Variants in PACRG observed in about 807,000 individuals in gnomAD.
PACRG encodes parkin coregulated gene protein.
In PACRG, 29 loss-of-function variants were observed where a neutral mutation model predicts 29.7. The observed-to-expected ratio is 0.98, with a 90% CI of 0.73 to 1.33. The LOEUF (loss-of-function observed/expected upper bound fraction) is 1.33. Among genes scored for constraint, PACRG ranks in the 40% most tolerant of loss-of-function variants. PACRG has a pLI of 0.00. For synonymous variants in PACRG, 116 were observed against 118.7 expected (o/e 0.98, Z 0.15); for missense variants, 279 against 316.2 (o/e 0.88, Z 0.89).
chr6:162,864,848 G>A (rs1000142217), intron 2 of PACRG, among the ~76,000 whole-genome samples: 2 of 152,148 alleles, frequency 1.3e-5, no homozygotes, highest in Non-Finnish European at 2.9e-5. Flanking sequence ...TTTGTTGTGA[G>A]CAAGTTTCAT....
chr6:162,749,790 C>T (rs1321752828), intron 1 of PACRG, among the ~76,000 whole-genome samples: 4 of 152,018 alleles, frequency 2.6e-5, no homozygotes, highest in African/African-American at 4.8e-5. Context: ...AAAGTGCTGG[C>T]ATTATAGACG....
At chr6:163,031,062 A>T (rs940672490) in intron 2 of PACRG, among the ~76,000 whole-genome samples, 1 of 152,182 alleles carries the variant, frequency 6.6e-6, no homozygotes, top group Non-Finnish European at 1.5e-5. Context: ...TTCAGGGTAG[A>T]GAGGAGCTCA....
intron 4 of PACRG, among the ~76,000 whole-genome samples, chr6:163,280,330 TG>T (rs1239260304): frequency 6.6e-6 from 1 of 152,174 alleles, no homozygotes; most frequent in Non-Finnish European, 1.5e-5. Flanking sequence ...GCTCTTGAGC[TG>T]GCCCCACCTG....
intron 2 of PACRG, among the ~76,000 whole-genome samples, chr6:162,845,844 A>T (rs1247829318): frequency 6.6e-6 from 1 of 152,226 alleles, no homozygotes; most frequent in East Asian, 1.9e-4. Flanking sequence ...ATGTTATCAT[A>T]CACTACCTAA....
intron 4 of PACRG, among the ~76,000 whole-genome samples, chr6:163,196,013 A>T (rs1254261488): frequency 6.6e-6 from 1 of 152,098 alleles, no homozygotes; most frequent in African/African-American, 2.4e-5. Flanking sequence ...ACCCCCTACG[A>T]GCTGGTTCCC....
chr6:162,761,055 T>A (rs1782318709), intron 1 of PACRG, among the ~76,000 whole-genome samples: 2 of 152,210 alleles, frequency 1.3e-5, no homozygotes, highest in Admixed American at 1.3e-4. Context: ...TCTGGCCTTC[T>A]TTCTGGCCAC....
At chr6:163,266,320 A>C (rs1783526961) in intron 4 of PACRG, among the ~76,000 whole-genome samples, 1 of 152,222 alleles carries the variant, frequency 6.6e-6, no homozygotes, top group Non-Finnish European at 1.5e-5. Context: ...TCGTAAAGAG[A>C]AAATGGACTG....
chr6:162,971,274 C>G (rs9356086), intron 2 of PACRG, among the ~76,000 whole-genome samples: 81,992 of 152,058 alleles, frequency 0.54, 22,769 homozygotes, highest in Middle Eastern at 0.7. Flanking sequence ...GTCATTTTCT[C>G]TATCTGGGCT....
At chr6:163,035,572 G>T (rs534938451) in intron 2 of PACRG, among the ~76,000 whole-genome samples, 131 of 152,168 alleles carry the variant, frequency 8.6e-4, no homozygotes, top group African/African-American at 3.0e-3. Context: ...CTTGAACTTG[G>T]GAGGCGGAAG....
At chr6:162,824,556 T>C (rs1156335141) in intron 2 of PACRG, among the ~76,000 whole-genome samples, 1 of 152,178 alleles carries the variant, frequency 6.6e-6, no homozygotes, top group Non-Finnish European at 1.5e-5. Context: ...TTTTGTGGTA[T>C]GTTGGGAGAT....
chr6:163,281,543 A>ATT lies in PACRG; in HGVS notation c.614-33274_614-33273dup, dbSNP rs5881519. Among the ~76,000 whole-genome samples the ATT allele has an allele frequency of 1.1e-3, 162 of 148,626 alleles. 1 individual carries two copies. Among genetic ancestry groups the ATT allele is most frequent in the African/African-American group, 3.9e-3 (158 of 40,812 alleles). On this transcript the variant is annotated intron_variant, in intron 4 of 4. Transcript: ENST00000366888. ...TAACAATAGCCAAAAATCAAGATGA[A>ATT]TTTTTTTTTTTGCTATATGAAATCT... is the stretch of plus-strand genomic sequence containing the variant.
chr6:163,043,980 G>A (rs972862007), intron 2 of PACRG, among the ~76,000 whole-genome samples: 7 of 152,110 alleles, frequency 4.6e-5, no homozygotes, highest in Admixed American at 3.9e-4. Context: ...TAGGTAGCAT[G>A]AGCGGGTAAA....
chr6:163,257,126 C>G (rs986382566), intron 4 of PACRG, among the ~76,000 whole-genome samples: 1 of 152,030 alleles, frequency 6.6e-6, no homozygotes, highest in African/African-American at 2.4e-5. Flanking sequence ...GTTCTTATAC[C>G]GAGATCCTTA....
chr6:163,256,793 G>A (rs1196264298), intron 4 of PACRG, among the ~76,000 whole-genome samples: 1 of 152,178 alleles, frequency 6.6e-6, no homozygotes. Context: ...TGGGGATGCT[G>A]TAACTAATGA....
chr6:163,062,231 T>C lies in PACRG; in HGVS notation c.373T>C (p.Phe125Leu). ...TTGTGAAATGACATTTCCCTATGAG[T>C]TTTTTGCTCGGCAAGGAATCCACGA... ...GLCEMTFPYE[F>L]FARQGIHDML... Residue 125 changes from phenylalanine (F) to leucine (L), a missense_variant, in exon 3 of 5, where the codon TTT (phenylalanine) becomes CTT (leucine). Physicochemically the swap from Phe to Leu is conservative, Grantham distance 22. Transcript: ENST00000366888. 1 of 1,614,088 alleles carries C rather than the reference T, an allele frequency of 6.2e-7. No individual in the cohort carries two copies. Among genetic ancestry groups the C allele is most frequent in the Non-Finnish European group, 8.5e-7 (1 of 1,180,026 alleles).
At chr6:162,838,716 A>G (rs949809194) in intron 2 of PACRG, among the ~76,000 whole-genome samples, 3 of 148,488 alleles carry the variant, frequency 2.0e-5, no homozygotes, top group Non-Finnish European at 4.5e-5. Context: ...AGCATTACGT[A>G]TATCTCCCAA....
At chr6:162,909,534 G>T (rs1796161770) in intron 2 of PACRG, among the ~76,000 whole-genome samples, 1 of 128,538 alleles carries the variant, frequency 7.8e-6, no homozygotes, top group South Asian at 2.5e-4. Flanking sequence ...CAGCCTGGGT[G>T]ACAGAGCGAG....
chr6:163,025,717 A>G (rs1243205297), intron 2 of PACRG, among the ~76,000 whole-genome samples: 8 of 152,262 alleles, frequency 5.3e-5, no homozygotes, highest in African/African-American at 1.9e-4. Context: ...GAAAAGAACC[A>G]GAAGGTGCTG....
chr6:163,246,659 A>G (rs1386721528), intron 4 of PACRG, among the ~76,000 whole-genome samples: 1 of 152,236 alleles, frequency 6.6e-6, no homozygotes, highest in Non-Finnish European at 1.5e-5. Context: ...TCTGATGATT[A>G]TGTGACGTTA....
Sources: gnomAD v4.1 joint callset for allele counts (sites outside exome capture counted in the v4.1 genomes callset) on GRCh38, gnomAD v4.1.1 for gene constraint, MANE v1.5 for transcripts, NCBI Gene and HGNC (gene_info 2026-07-23, HGNC 2026-07-21) for gene names.